Variants in WDFY3 observed in about 807,000 individuals in gnomAD.
WDFY3 encodes the protein WD repeat and FYVE domain containing 3.
In WDFY3, 66 loss-of-function variants were observed where a neutral mutation model predicts 409.6. That is an observed-to-expected ratio of 0.16 (90% CI 0.13 to 0.20). The LOEUF is 0.20. WDFY3 is among the 10% of genes least tolerant of loss of function. The pLI, the probability that WDFY3 is intolerant of heterozygous loss-of-function variation, is 1.00. For synonymous variants in WDFY3, 1,521 were observed against 1,537.1 expected, an observed-to-expected ratio of 0.99 and a Z score of 0.25; for missense variants, 3,031 against 4,298.1, an observed-to-expected ratio of 0.71 and a Z score of 8.24.
In WDFY3 at chr4:84,670,461, A is replaced by G. The variant is rs1725290280; in HGVS notation, c.*2407T>C. 1 of 152,692 alleles carries G rather than the reference A, an allele frequency of 6.5e-6. No individual in the cohort carries two copies. Among genetic ancestry groups the G allele is most frequent in the Admixed American group, 6.5e-5 (1 of 15,288 alleles). The allele number at this position is 152,692 out of a possible 1,614,324, so 9.5% of individuals were successfully genotyped here. On this transcript the variant is annotated 3_prime_UTR_variant, in exon 68 of 68. Transcript: ENST00000295888. Reference sequence around the variant, plus strand: ...GGCAAAAAGAAAAGAAACCCGATTGAACAAAACAGTTGCCCACAGCACCAG... The same window carrying G: ...GGCAAAAAGAAAAGAAACCCGATTGGACAAAACAGTTGCCCACAGCACCAG...
At chr4:84,926,705 G>A (rs548045814) in intron 2 of WDFY3, among the ~76,000 whole-genome samples, 12 of 152,182 alleles carry the variant, frequency 7.9e-5, no homozygotes, top group South Asian at 4.1e-4. Context: ...AGAAGTTTTC[G>A]TAATAAAAAG....
chr4:84,763,850 G>A (rs574489923), intron 32 of WDFY3, among the ~76,000 whole-genome samples: 2 of 152,232 alleles, frequency 1.3e-5, no homozygotes, highest in South Asian at 2.1e-4. Flanking sequence ...AAATCAGGTA[G>A]GTCAGACACA....
intron 8 of WDFY3, among the ~76,000 whole-genome samples, chr4:84,830,637 T>C (rs1236783927): frequency 1.3e-5 from 2 of 152,206 alleles, no homozygotes; most frequent in African/African-American, 2.4e-5. Flanking sequence ...TTTTAAAAGA[T>C]AGCTGAATAT....
At chr4:84,800,129 T>C (rs1750252157) in intron 17 of WDFY3, among the ~76,000 whole-genome samples, 1 of 152,214 alleles carries the variant, frequency 6.6e-6, no homozygotes, top group Non-Finnish European at 1.5e-5. Flanking sequence ...ATCTCACTCA[T>C]CTTGGCATTA....
Position 84,904,302 on chromosome 4 carries a change from G to A in WDFY3, c.-131-7292C>T, listed in dbSNP as rs181622712. 1.6e-4 allele frequency among the ~76,000 whole-genome samples: 24 copies of A among 152,092 alleles called. No homozygotes were observed. In the East Asian group the frequency reaches 3.9e-3, roughly 25 times the overall value. On this transcript the variant is annotated intron_variant, in intron 2 of 67. Transcript: ENST00000295888. ...GTTGCCCAGGCTGGAGTGCAATGGC[G>A]CGATCTTAGCTCACTGCAACCTCCA...
At chr4:84,849,003 A>G (rs1219664174) in intron 5 of WDFY3, among the ~76,000 whole-genome samples, 2 of 152,212 alleles carry the variant, frequency 1.3e-5, no homozygotes, top group Non-Finnish European at 2.9e-5. Flanking sequence ...TTTTCACAGC[A>G]ATAGTCAAAA....
At chr4:84,798,430 C>T (rs955251979) in intron 17 of WDFY3, among the ~76,000 whole-genome samples, 36 of 152,032 alleles carry the variant, frequency 2.4e-4, no homozygotes, top group Non-Finnish European at 4.4e-5. Flanking sequence ...TATAGTAAAA[C>T]ATACACAGTG....
chr4:84,914,745 C>T (rs184689592), intron 2 of WDFY3, among the ~76,000 whole-genome samples: 1 of 152,200 alleles, frequency 6.6e-6, no homozygotes, highest in East Asian at 1.9e-4. Context: ...TAGAAAAATG[C>T]AAAATGGTGC....
intron 50 of WDFY3, 32 bp from the exon 51 acceptor site, chr4:84,713,271 G>C: frequency 6.3e-7 from 1 of 1,587,574 alleles, no homozygotes; most frequent in Non-Finnish European, 8.6e-7. Context: ...AAAATTACAA[G>C]TGAAGTCTCA....
chr4:84,949,010 TTACC>T (rs1422235611), intron 1 of WDFY3, among the ~76,000 whole-genome samples: 1 of 152,114 alleles, frequency 6.6e-6, no homozygotes, highest in Non-Finnish European at 1.5e-5. Flanking sequence ...CTCTGGCTGT[TTACC>T]CCTGGCACGG....
chr4:84,784,868 A>G (rs1258453540), intron 24 of WDFY3, among the ~76,000 whole-genome samples: 48 of 58,530 alleles, frequency 8.2e-4, no homozygotes, highest in Admixed American at 2.4e-3. Flanking sequence ...GTATATATAT[A>G]TATATATATA....
chr4:84,923,582 G>T (rs191877468), intron 2 of WDFY3, among the ~76,000 whole-genome samples: 16 of 152,230 alleles, frequency 1.1e-4, no homozygotes, highest in African/African-American at 3.9e-4. Context: ...TACCCTAAGA[G>T]GACAGAGGTG....
intron 48 of WDFY3, among the ~76,000 whole-genome samples, chr4:84,717,384 T>A (rs1407352238): frequency 1.3e-5 from 2 of 152,176 alleles, no homozygotes; most frequent in Admixed American, 6.5e-5. Context: ...AAGATTATAT[T>A]TATACCATTA....
chr4:84,780,327 A>C (rs750887551), intron 25 of WDFY3, 29 bp from the exon 26 acceptor site: 3 of 1,581,726 alleles, frequency 1.9e-6, no homozygotes, highest in African/African-American at 2.7e-5. Flanking sequence ...AAAATAATTA[A>C]GATAAATTCC....
At chr4:84,692,540 T>C (rs1164076827) in intron 59 of WDFY3, among the ~76,000 whole-genome samples, 2 of 152,296 alleles carry the variant, frequency 1.3e-5, no homozygotes, top group East Asian at 3.9e-4. Context: ...ATAGGCAGAA[T>C]ATATTTAAAT....
At chr4:84,949,470 G>C (rs2151101867) in intron 1 of WDFY3, among the ~76,000 whole-genome samples, 1 of 152,170 alleles carries the variant, frequency 6.6e-6, no homozygotes, top group South Asian at 2.1e-4. Flanking sequence ...ATATTGAAAA[G>C]GCCATCTGAT....
Position 84,672,925 on chromosome 4 carries a change from GT to G in WDFY3, c.10523del (p.Asn3508ThrfsTer25). The G allele has an allele frequency of 6.2e-7, 1 of 1,612,842 alleles. No homozygotes were observed. Among genetic ancestry groups the G allele is most frequent in the Non-Finnish European group, 8.5e-7 (1 of 1,179,448 alleles). On this transcript the variant is annotated frameshift_variant, in exon 68 of 68. Coordinates refer to ENST00000295888, the MANE Select transcript of WDFY3 (RefSeq NM_014991.6). LOFTEE classifies it high-confidence loss of function. ...TCTCATGCTGTAAGTTATAATAACA[GT>G]TCTGACAAACACGCACCGGGGATGA... ...KISSPVRVCQ[N>X]CYYNLQHERG...
chr4:84,677,567 C>T (rs1231306134), intron 66 of WDFY3, among the ~76,000 whole-genome samples, 171 bp from the exon 67 acceptor site: 3 of 152,142 alleles, frequency 2.0e-5, no homozygotes, highest in Non-Finnish European at 4.4e-5. Context: ...AAAACTGAAC[C>T]GAGCCCAAAT....
At chr4:84,914,411 C>G (rs886364169) in intron 2 of WDFY3, among the ~76,000 whole-genome samples, 1 of 151,936 alleles carries the variant, frequency 6.6e-6, no homozygotes, top group Non-Finnish European at 1.5e-5. Context: ...GAGACTCCGT[C>G]TCAAAAACAA....
Sources: gnomAD v4.1 joint callset for allele counts (sites outside exome capture counted in the v4.1 genomes callset) on GRCh38, gnomAD v4.1.1 for gene constraint, MANE v1.5 for transcripts, NCBI Gene and HGNC (gene_info 2026-07-23, HGNC 2026-07-21) for gene names.